The following GALNT13 variants were observed in gnomAD, a reference collection of about 807,000 sequenced individuals.
GALNT13 encodes UDP-GalNAc:polypeptide N-acetylgalactosaminyltransferase 13.
A neutral mutation model predicts 64.2 loss-of-function variants in GALNT13; 28 were observed. The observed-to-expected ratio is 0.44, with a 90% CI of 0.32 to 0.60. The LOEUF is 0.60. GALNT13 is among the 20% of genes least tolerant of loss of function. The pLI is 0.05. For missense variants in GALNT13, 577 were observed against 669.8 expected (o/e 0.86, Z 1.53); for synonymous variants, 214 against 224.6 (o/e 0.95, Z 0.42).
chr2:153,882,970 C>G (rs1192226210), intron 1 of GALNT13, among the ~76,000 whole-genome samples: 1 of 149,484 alleles, frequency 6.7e-6, no homozygotes, highest in African/African-American at 2.5e-5. Context: ...TTAAAGAAAC[C>G]AGTAACAACA....
At chr2:153,191,025 C>A in the GALNT13 span, among the ~76,000 whole-genome samples, 1 of 151,868 alleles carries the variant, frequency 6.6e-6, no homozygotes, top group African/African-American at 2.4e-5. Flanking sequence ...CAAAGAAGGA[C>A]AATTTTATTT....
intron 4 of GALNT13, among the ~76,000 whole-genome samples, chr2:154,177,901 TG>T (rs1165628539): frequency 6.6e-6 from 1 of 152,188 alleles, no homozygotes; most frequent in Non-Finnish European, 1.5e-5. Context: ...CACACCAACT[TG>T]CTTCAATGCT....
In GALNT13 at chr2:154,411,028, G is replaced by A. The variant is rs994602547; in HGVS notation, c.1395+1946G>A. Among the ~76,000 whole-genome samples, 5 of 151,962 alleles carry A rather than the reference G, an allele frequency of 3.3e-5. No individual in the cohort carries two copies. In the East Asian group the frequency reaches 5.8e-4, roughly 18 times the overall value. ...GCACCTGCTGCAGTCTTGGAACATG[G>A]TGAGCACCTAACGAATACTAGGCAA... On this transcript the variant is annotated intron_variant, in intron 11 of 12. Transcript: ENST00000392825.
Position 153,926,110 on chromosome 2 carries a change from C to T in GALNT13, c.-104-18284C>T, listed in dbSNP as rs117984165. The stretch of plus-strand genomic sequence containing the variant: ...GTGGTACACTATTAATAGGAGACAA[C>T]GCTTTTCTAAAGCAGAAATCACTAC... On this transcript the variant is annotated intron_variant, in intron 2 of 12. Transcript: ENST00000392825. 3.7e-4 allele frequency among the ~76,000 whole-genome samples: 56 copies of T among 151,960 alleles called. 1 individual carries two copies. The East Asian group carries it at 8.1e-3, about 22-fold the overall frequency.
intron 4 of GALNT13, 129 bp from the exon 5 acceptor site, chr2:154,241,901 A>T (rs1333479101): frequency 2.0e-6 from 1 of 503,852 alleles, no homozygotes; most frequent in East Asian, 3.2e-5. Flanking sequence ...ATGATTTTAG[A>T]TATTCATAAA....
the GALNT13 span, among the ~76,000 whole-genome samples, chr2:153,424,479 G>C: frequency 1.3e-5 from 2 of 151,848 alleles, no homozygotes; most frequent in Admixed American, 6.6e-5. Context: ...TTTAGCAAAA[G>C]ATAATTGATA....
chr2:153,561,233 A>T, the GALNT13 span, among the ~76,000 whole-genome samples: 7 of 151,520 alleles, frequency 4.6e-5, no homozygotes, highest in Non-Finnish European at 7.4e-5. Context: ...TCTTCTTTTC[A>T]AATTCTTATG....
At chr2:153,434,084 G>A in the GALNT13 span, among the ~76,000 whole-genome samples, 1 of 152,082 alleles carries the variant, frequency 6.6e-6, no homozygotes, top group Non-Finnish European at 1.5e-5. Context: ...GCGGTGTTTG[G>A]TTTTTTGTCC....
At chr2:153,935,311 TTCCATGGAGAGATAG>T (rs1434304912) in intron 2 of GALNT13, among the ~76,000 whole-genome samples, 5 of 152,330 alleles carry the variant, frequency 3.3e-5, no homozygotes, top group South Asian at 2.1e-4. Context: ...GAATCTGAAT[TTCCATGGAGAGATAG>T]TCCATGGCTC....
intron 11 of GALNT13, among the ~76,000 whole-genome samples, chr2:154,430,642 A>G (rs1483325024): frequency 6.6e-6 from 1 of 152,222 alleles, no homozygotes; most frequent in Non-Finnish European, 1.5e-5. Context: ...GAGAGGATTA[A>G]TTCAAATTTT....
chr2:153,631,798 G>A, the GALNT13 span, among the ~76,000 whole-genome samples: 4 of 152,142 alleles, frequency 2.6e-5, no homozygotes, highest in Non-Finnish European at 5.9e-5. Context: ...CTGTGCAGAA[G>A]CTCTTTAGTT....
the GALNT13 span, among the ~76,000 whole-genome samples, chr2:153,596,279 T>G: frequency 2.1e-4 from 32 of 152,168 alleles, no homozygotes; most frequent in Admixed American, 1.3e-4. Flanking sequence ...TTTTGTTACA[T>G]TCTTTTGATG....
intron 3 of GALNT13, among the ~76,000 whole-genome samples, chr2:153,986,625 C>T (rs771322279): frequency 7.2e-5 from 11 of 151,818 alleles, no homozygotes; most frequent in Admixed American, 1.3e-4. Context: ...TCCCGATCAC[C>T]GTGACAAGAT....
At chr2:154,182,678 A>G (rs1353183099) in intron 4 of GALNT13, among the ~76,000 whole-genome samples, 1 of 148,496 alleles carries the variant, frequency 6.7e-6, no homozygotes, top group East Asian at 1.9e-4. Flanking sequence ...TATATAATAT[A>G]GGATAATATA....
the GALNT13 span, chr2:153,208,038 A>G: frequency 5.9e-5 from 9 of 152,176 alleles, no homozygotes; most frequent in African/African-American, 2.2e-4. Context: ...TTGGTAAAAT[A>G]TAAAGGCCAG....
At chr2:153,883,629 C>T (rs1686935908) in intron 1 of GALNT13, among the ~76,000 whole-genome samples, 1 of 151,988 alleles carries the variant, frequency 6.6e-6, no homozygotes, top group Non-Finnish European at 1.5e-5. Flanking sequence ...TGTGTTGTTT[C>T]AACCTGGTAT....
intron 9 of GALNT13, 38 bp downstream of exon 9, chr2:154,301,627 A>G: frequency 7.3e-7 from 1 of 1,376,498 alleles, no homozygotes; most frequent in Non-Finnish European, 1.0e-6. Context: ...CTACAGGAGA[A>G]AATAAAATTG....
intron 9 of GALNT13, among the ~76,000 whole-genome samples, chr2:154,331,215 T>C (rs1165289463): frequency 2.0e-5 from 3 of 152,096 alleles, no homozygotes; most frequent in African/African-American, 4.8e-5. Context: ...GGGGGAAATA[T>C]GTGGCAACAA....
At chr2:153,683,801 G>T in the GALNT13 span, among the ~76,000 whole-genome samples, 4 of 151,786 alleles carry the variant, frequency 2.6e-5, no homozygotes, top group Admixed American at 2.6e-4. Flanking sequence ...TCTTTTGGGA[G>T]TAACTACTTC....
Sources: gnomAD v4.1 joint callset for allele counts (sites outside exome capture counted in the v4.1 genomes callset) on GRCh38, gnomAD v4.1.1 for gene constraint, MANE v1.5 for transcripts, NCBI Gene and HGNC (gene_info 2026-07-23, HGNC 2026-07-21) for gene names.